Variants in TTC3 observed in about 807,000 individuals in gnomAD.
The protein encoded by TTC3 is E3 ubiquitin-protein ligase TTC3.
In TTC3, 180 loss-of-function variants were observed where a neutral mutation model predicts 249.6. That is an observed-to-expected ratio of 0.72 (90% CI 0.64 to 0.82). The LOEUF (loss-of-function observed/expected upper bound fraction) is 0.82. Among genes scored for constraint, TTC3 ranks in the 40% least tolerant of loss-of-function variants. The probability of loss-of-function intolerance (pLI) is 0.00; values close to 1 mark genes in which losing one functional copy is unlikely to be tolerated. For missense variants in TTC3, 2,061 were observed against 2,398.4 expected, an observed-to-expected ratio of 0.86 and a Z score of 2.94; for synonymous variants, 717 against 805.0, an observed-to-expected ratio of 0.89 and a Z score of 1.85.
intron 35 of TTC3, among the ~76,000 whole-genome samples, chr21:37,176,136 C>T (rs1233074683): frequency 1.3e-5 from 2 of 152,136 alleles, no homozygotes; most frequent in African/African-American, 4.8e-5. Flanking sequence ...TTTATTGTAC[C>T]CTAACCTATG....
chr21:37,138,472 A>G (rs561850032), intron 18 of TTC3, among the ~76,000 whole-genome samples, 162 bp from the exon 19 acceptor site: 2 of 152,332 alleles, frequency 1.3e-5, no homozygotes, highest in East Asian at 3.9e-4. Context: ...TCTCTTTTCT[A>G]ATTTGATTTG....
chr21:37,075,050 A>G lies in TTC3; in HGVS notation c.-12+1686A>G, dbSNP rs368465692. On this transcript the variant is annotated intron_variant, in intron 1 of 45. Coordinates refer to ENST00000355666, the Ensembl canonical transcript of TTC3. ...ATAGCCACTGCGTTGAGGTTTGTGT[A>G]TATCTTTACTTTGCATATTTTATAC... 2.0e-5 allele frequency among the ~76,000 whole-genome samples: 3 copies of G among 152,088 alleles called. No individual in the cohort carries two copies. In the East Asian group the frequency reaches 5.8e-4, roughly 29 times the overall value.
intron 25 of TTC3, among the ~76,000 whole-genome samples, chr21:37,151,513 G>A (rs1323231280): frequency 2.0e-5 from 3 of 152,102 alleles, no homozygotes; most frequent in African/African-American, 4.8e-5. Flanking sequence ...AAATTATAGT[G>A]TTGTGGGTTA....
intron 10 of TTC3, among the ~76,000 whole-genome samples, chr21:37,106,145 G>T (rs1043958783): frequency 1.3e-5 from 2 of 152,098 alleles, no homozygotes; most frequent in Admixed American, 6.5e-5. Flanking sequence ...ATTATAATTT[G>T]TATTTTCATA....
At chr21:37,132,944 G>A (rs529543996) in intron 17 of TTC3, among the ~76,000 whole-genome samples, 178 bp downstream of exon 17, 12 of 152,146 alleles carry the variant, frequency 7.9e-5, no homozygotes, top group African/African-American at 2.9e-4. Flanking sequence ...CAAACTCCTG[G>A]CCTCAAGCAA....
chr21:37,138,836 TCA>T (rs774629399), intron 19 of TTC3, 122 bp downstream of exon 19: 66 of 577,356 alleles, frequency 1.1e-4, no homozygotes, highest in Admixed American at 1.7e-4. Context: ...CTGAAATATC[TCA>T]GTTTAATTTA....
chr21:37,160,283 T>G (rs2080581145), intron 29 of TTC3, among the ~76,000 whole-genome samples: 1 of 152,234 alleles, frequency 6.6e-6, no homozygotes, highest in African/African-American at 2.4e-5. Context: ...AATGCCTGTT[T>G]ACTGATTTTC....
intron 11 of TTC3, among the ~76,000 whole-genome samples, chr21:37,117,854 GAAAAA>G (rs796207764): frequency 2.2e-4 from 28 of 128,880 alleles, no homozygotes; most frequent in African/African-American, 8.3e-4. Flanking sequence ...AAAAAAAAAA[GAAAAA>G]AGAAAAAAAC....
rs1329414290 is a variant in TTC3, at chr21:37,135,533, A to T, written c.1578+19A>T. 39 of 1,608,656 alleles carry T rather than the reference A, an allele frequency of 2.4e-5. No individual in the cohort carries two copies. The highest frequency in any genetic ancestry group is 3.2e-5 in the Non-Finnish European group (38 of 1,176,902). On this transcript the variant is annotated intron_variant, in intron 18 of 45. Coordinates refer to ENST00000355666, the Ensembl canonical transcript of TTC3. ...AATAAAGGTAAATTTGCCATATCAT[A>T]ACTTGTTTATCAATGCTAATGCACC... is the stretch of plus-strand genomic sequence containing the variant.
intron 41 of TTC3, chr21:37,194,044 C>T (rs2148222505): frequency 1.3e-5 from 2 of 152,328 alleles, no homozygotes; most frequent in East Asian, 1.9e-4. Flanking sequence ...GAACACACTC[C>T]TTTCATACTG....
At chr21:37,073,389 C>T (rs1320258897) in intron 1 of TTC3, 13 of 985,898 alleles carry the variant, frequency 1.3e-5, no homozygotes, top group African/African-American at 1.7e-5. Flanking sequence ...GGCGCGCTGC[C>T]GGGCTCCCGG....
intron 11 of TTC3, chr21:37,121,196 T>C (rs981493584): frequency 1.1e-4 from 17 of 152,238 alleles, no homozygotes; most frequent in African/African-American, 4.1e-4. Context: ...ACCCTTATCA[T>C]TGGAATTAAA....
intron 9 of TTC3, among the ~76,000 whole-genome samples, chr21:37,095,917 T>C (rs1001392815): frequency 1.3e-5 from 2 of 152,234 alleles, no homozygotes. Context: ...ATTTTGTAGC[T>C]TTCCTCCAGA....
chr21:37,134,302 T>G (rs946527586), intron 17 of TTC3, among the ~76,000 whole-genome samples: 5 of 151,944 alleles, frequency 3.3e-5, no homozygotes, highest in Non-Finnish European at 7.4e-5. Context: ...ATACAAAAAA[T>G]TAGCTGGGTG....
At chr21:37,120,769 G>A (rs1361336703) in intron 11 of TTC3, among the ~76,000 whole-genome samples, 3 of 152,188 alleles carry the variant, frequency 2.0e-5, no homozygotes, top group East Asian at 1.9e-4. Context: ...ACGTACCCAC[G>A]TAATTGTTTC....
At chr21:37,098,382 A>C (rs990439993) in intron 10 of TTC3, 2 of 156,370 alleles carry the variant, frequency 1.3e-5, no homozygotes, top group African/African-American at 4.8e-5. Context: ...ATGAGTGTTG[A>C]ATGCTAGACA....
At chr21:37,189,206 CAT>C (rs1229773900) in intron 39 of TTC3, among the ~76,000 whole-genome samples, 4 of 152,256 alleles carry the variant, frequency 2.6e-5, no homozygotes, top group Non-Finnish European at 5.9e-5. Context: ...TATATTCACA[CAT>C]GTTAATTTTT....
At chr21:37,090,467 C>CTT (rs138757481) in intron 6 of TTC3, 181 bp downstream of exon 6, 256 of 527,936 alleles carry the variant, frequency 4.8e-4, no homozygotes, top group South Asian at 5.9e-4. Flanking sequence ...CATTTTCTCT[C>CTT]TTTTTTTTTT....
chr21:37,104,555 G>T (rs1375514622), intron 10 of TTC3, among the ~76,000 whole-genome samples: 2 of 139,876 alleles, frequency 1.4e-5, no homozygotes, highest in Non-Finnish European at 3.0e-5. Flanking sequence ...GCGCCATTGC[G>T]CTCCAGCCTC....
Sources: gnomAD v4.1 joint callset for allele counts (sites outside exome capture counted in the v4.1 genomes callset) on GRCh38, gnomAD v4.1.1 for gene constraint, MANE v1.5 for transcripts, NCBI Gene and HGNC (gene_info 2026-07-23, HGNC 2026-07-21) for gene names.